GPRC6A: variants seen among roughly 807,000 people sequenced by gnomAD.
GPRC6A encodes the protein G protein-coupled receptor class C group 6 member A.
In GPRC6A, 54 loss-of-function variants were observed where a neutral mutation model predicts 47.0. The ratio of observed to expected loss-of-function variants is 1.15; its 90% CI spans 0.92 to 1.44. The LOEUF is 1.44. GPRC6A is among the 40% of genes most tolerant of loss of function. The probability of loss-of-function intolerance (pLI) is 0.00; values close to 1 mark genes in which losing one functional copy is unlikely to be tolerated. For missense variants in GPRC6A, 1,112 were observed against 1,105.5 expected, an observed-to-expected ratio of 1.01 and a Z score of -0.08; for synonymous variants, 347 against 377.1, an observed-to-expected ratio of 0.92 and a Z score of 0.93.
At chr6:116,813,135 C>A (rs1562484613) in intron 1 of GPRC6A, among the ~76,000 whole-genome samples, 1 of 152,152 alleles carries the variant, frequency 6.6e-6, no homozygotes, top group African/African-American at 2.4e-5. Flanking sequence ...AAGAATATTC[C>A]ATGCTCATGG....
intron 1 of GPRC6A, among the ~76,000 whole-genome samples, chr6:116,818,891 C>T (rs1773349280): frequency 1.3e-5 from 2 of 151,854 alleles, no homozygotes; most frequent in Non-Finnish European, 2.9e-5. Flanking sequence ...CTAAATGCTC[C>T]AATTAAAAGA....
intron 1 of GPRC6A, among the ~76,000 whole-genome samples, chr6:116,819,225 A>T (rs1170239562): frequency 6.6e-6 from 1 of 151,636 alleles, no homozygotes; most frequent in Non-Finnish European, 1.5e-5. Flanking sequence ...TGAGTGACCT[A>T]CAAAGAGACT....
At chr6:116,809,289 T>A in intron 2 of GPRC6A, 25 bp downstream of exon 2, 5 of 1,578,748 alleles carry the variant, frequency 3.2e-6, no homozygotes, top group Non-Finnish European at 4.3e-6. Context: ...TCAAAAGCAA[T>A]GTTTGGAGGT....
At chr6:116,815,565 C>A (rs1444748224) in intron 1 of GPRC6A, among the ~76,000 whole-genome samples, 1 of 152,188 alleles carries the variant, frequency 6.6e-6, no homozygotes, top group African/African-American at 2.4e-5. Flanking sequence ...CTGTAGAATA[C>A]ACATTCTTCT....
At chr6:116,822,823 T>C (rs993373484) in intron 1 of GPRC6A, among the ~76,000 whole-genome samples, 4 of 145,624 alleles carry the variant, frequency 2.7e-5, no homozygotes, top group Non-Finnish European at 6.0e-5. Context: ...AACTAACCTG[T>C]ACAATGTGCA....
At chr6:116,821,256 A>G (rs1773464209) in intron 1 of GPRC6A, among the ~76,000 whole-genome samples, 1 of 152,176 alleles carries the variant, frequency 6.6e-6, no homozygotes, top group African/African-American at 2.4e-5. Flanking sequence ...GGTAAGAAGA[A>G]TCAATATTGT....
At chr6:116,795,648 T>C (rs1044449726) in intron 5 of GPRC6A, 64 bp downstream of exon 5, 1 of 1,319,912 alleles carries the variant, frequency 7.6e-7, no homozygotes, top group African/African-American at 1.5e-5. Flanking sequence ...AAAATAAAAT[T>C]CATGCAAAGA....
At chr6:116,795,357 T>G (rs77575032) in intron 5 of GPRC6A, among the ~76,000 whole-genome samples, 4,889 of 152,266 alleles carry the variant, frequency 0.032, 115 homozygotes, top group Non-Finnish European at 0.05. Context: ...TTTGTATTTT[T>G]TTTGTACCTC....
At chr6:116,794,935 A>G (rs186617207) in intron 5 of GPRC6A, among the ~76,000 whole-genome samples, 1 of 152,192 alleles carries the variant, frequency 6.6e-6, no homozygotes, top group Admixed American at 6.5e-5. Context: ...AGTAAGCAAA[A>G]AGAATAGGCA....
At position 116,795,740 on chromosome 6, in the gene GPRC6A, A is replaced by G; in HGVS notation, c.1644T>C (p.Cys548=). 6.2e-7 allele frequency: 1 copy of G among 1,611,050 alleles called. No homozygotes were observed. Among genetic ancestry groups the G allele is most frequent in the Non-Finnish European group, 8.5e-7 (1 of 1,177,764 alleles). ...QHICCYECQN[C]PENHYTNQTD... ...TCTGATTAGTGTAATGATTTTCAGG[A>G]CAGTTCTGACATTCATAGCAACAGA... The change falls in exon 5 of 6, where the codon TGT becomes TGC. Residue 548 remains cysteine (C), a synonymous_variant. Coordinates refer to ENST00000310357, the MANE Select transcript of GPRC6A (RefSeq NM_148963.4).
At chr6:116,822,350 C>A (rs1773519536) in intron 1 of GPRC6A, among the ~76,000 whole-genome samples, 2 of 119,248 alleles carry the variant, frequency 1.7e-5, no homozygotes. Context: ...ACCCAGCCAT[C>A]CCATTACTGG....
chr6:116,808,160 G>T (rs1772913752), intron 2 of GPRC6A, among the ~76,000 whole-genome samples: 1 of 152,028 alleles, frequency 6.6e-6, no homozygotes, highest in Non-Finnish European at 1.5e-5. Flanking sequence ...GATTAAAGGA[G>T]AAAATTTAAA....
chr6:116,816,318 A>G (rs918553676), intron 1 of GPRC6A, among the ~76,000 whole-genome samples: 8 of 152,244 alleles, frequency 5.3e-5, no homozygotes, highest in African/African-American at 1.4e-4. Context: ...CCTATTTGAA[A>G]AGGGAGAAAT....
chr6:116,798,439 G>A (rs1467405732), intron 4 of GPRC6A, among the ~76,000 whole-genome samples: 1 of 152,150 alleles, frequency 6.6e-6, no homozygotes, highest in East Asian at 1.9e-4. Flanking sequence ...AGAGTAAGGG[G>A]AGGGTGGGAG....
intron 1 of GPRC6A, among the ~76,000 whole-genome samples, chr6:116,826,835 A>G (rs890937619): frequency 4.0e-5 from 6 of 151,874 alleles, no homozygotes; most frequent in Admixed American, 1.3e-4. Flanking sequence ...AGAAAATGTG[A>G]TATATATACA....
chr6:116,828,330 G>A (rs938494492), intron 1 of GPRC6A, among the ~76,000 whole-genome samples: 1 of 151,926 alleles, frequency 6.6e-6, no homozygotes, highest in South Asian at 2.1e-4. Flanking sequence ...AGTTGAGGAG[G>A]GTCTTAATTT....
intron 1 of GPRC6A, among the ~76,000 whole-genome samples, chr6:116,816,851 C>T (rs749503982): frequency 2.4e-4 from 37 of 152,120 alleles, no homozygotes; most frequent in Non-Finnish European, 2.5e-4. Flanking sequence ...CGGCGCACTA[C>T]GAGATTATAT....
At chr6:116,808,525 T>C (rs2114598332) in intron 2 of GPRC6A, among the ~76,000 whole-genome samples, 1 of 152,278 alleles carries the variant, frequency 6.6e-6, no homozygotes, top group East Asian at 1.9e-4. Context: ...AATGGAATGC[T>C]AATAGTCTTT....
chr6:116,813,009 T>G (rs1217681895), intron 1 of GPRC6A, among the ~76,000 whole-genome samples: 3 of 152,166 alleles, frequency 2.0e-5, no homozygotes, highest in Non-Finnish European at 4.4e-5. Context: ...CCATTCACAA[T>G]TGCTTCAAAG....
Sources: gnomAD v4.1 joint callset for allele counts (sites outside exome capture counted in the v4.1 genomes callset) on GRCh38, gnomAD v4.1.1 for gene constraint, MANE v1.5 for transcripts, NCBI Gene and HGNC (gene_info 2026-07-23, HGNC 2026-07-21) for gene names.